The following PPP1R9A variants were observed in gnomAD, a reference collection of about 807,000 sequenced individuals.
PPP1R9A encodes the protein protein phosphatase 1 regulatory subunit 9A, also known as neurabin-1.
A neutral mutation model predicts 141.9 loss-of-function variants in PPP1R9A; 59 were observed. The ratio of observed to expected loss-of-function variants is 0.42; its 90% CI spans 0.34 to 0.52. The LOEUF is 0.52. PPP1R9A is among the 20% of genes least tolerant of loss of function. The probability of loss-of-function intolerance (pLI) is 0.10; values close to 1 mark genes in which losing one functional copy is unlikely to be tolerated. For synonymous variants in PPP1R9A, 500 were observed against 569.7 expected, an observed-to-expected ratio of 0.88 and a Z score of 1.74; for missense variants, 1,444 against 1,611.9, an observed-to-expected ratio of 0.90 and a Z score of 1.78.
intron 4 of PPP1R9A, among the ~76,000 whole-genome samples, chr7:95,147,179 C>T (rs113329864): frequency 0.28 from 42,976 of 151,828 alleles, 7,470 homozygotes; most frequent in Middle Eastern, 0.43. Flanking sequence ...CTTGAGCAGT[C>T]ATTTGTTTTT....
At chr7:95,117,914 A>G (rs1821801901) in intron 3 of PPP1R9A, among the ~76,000 whole-genome samples, 1 of 152,214 alleles carries the variant, frequency 6.6e-6, no homozygotes, top group South Asian at 2.1e-4. Flanking sequence ...TACATTGATC[A>G]TCTCTTAAAC....
intron 2 of PPP1R9A, among the ~76,000 whole-genome samples, chr7:94,974,981 T>C (rs1799267161): frequency 6.6e-6 from 1 of 152,206 alleles, no homozygotes; most frequent in South Asian, 2.1e-4. Flanking sequence ...GTATCTGATA[T>C]GTCCCTATAT....
At chr7:94,982,571 A>G (rs1406854174) in intron 2 of PPP1R9A, among the ~76,000 whole-genome samples, 1 of 152,286 alleles carries the variant, frequency 6.6e-6, no homozygotes, top group South Asian at 2.1e-4. Flanking sequence ...TTCTCTGATG[A>G]CCAGTGATGA....
intron 7 of PPP1R9A, among the ~76,000 whole-genome samples, chr7:95,223,053 A>G (rs1183939935): frequency 6.6e-6 from 1 of 152,054 alleles, no homozygotes; most frequent in Non-Finnish European, 1.5e-5. Flanking sequence ...GAGTTATAAC[A>G]TAATGTTTTA....
intron 2 of PPP1R9A, among the ~76,000 whole-genome samples, chr7:94,967,462 A>G (rs1798348375): frequency 6.6e-6 from 1 of 152,024 alleles, no homozygotes; most frequent in Non-Finnish European, 1.5e-5. Context: ...TAGTGCTATA[A>G]ATTTTTCTCT....
At chr7:94,968,564 CTT>C (rs1420630937) in intron 2 of PPP1R9A, among the ~76,000 whole-genome samples, 1 of 152,104 alleles carries the variant, frequency 6.6e-6, no homozygotes. Flanking sequence ...TCTTCCATCT[CTT>C]TATTTTGAGC....
At chr7:95,107,258 A>G (rs1201467707) in intron 2 of PPP1R9A, among the ~76,000 whole-genome samples, 3 of 152,110 alleles carry the variant, frequency 2.0e-5, no homozygotes, top group East Asian at 1.9e-4. Context: ...TATACATGCA[A>G]TTGTTTGAGT....
At chr7:94,935,811 G>C (rs1347281147) in intron 2 of PPP1R9A, among the ~76,000 whole-genome samples, 1 of 152,096 alleles carries the variant, frequency 6.6e-6, no homozygotes, top group Non-Finnish European at 1.5e-5. Context: ...GCACTAAGTG[G>C]ACCATTTTTG....
At chr7:95,015,668 GA>G (rs1805004246) in intron 2 of PPP1R9A, among the ~76,000 whole-genome samples, 1 of 152,108 alleles carries the variant, frequency 6.6e-6, no homozygotes. Context: ...TATGTTTGAA[GA>G]AATAATGGGT....
chr7:95,052,582 A>G (rs1810973060), intron 2 of PPP1R9A, among the ~76,000 whole-genome samples: 1 of 152,204 alleles, frequency 6.6e-6, no homozygotes, highest in Non-Finnish European at 1.5e-5. Flanking sequence ...TAGGCATTTT[A>G]ATTTTTGAAG....
chr7:95,240,837 T>A (rs1362041369), intron 8 of PPP1R9A, among the ~76,000 whole-genome samples: 2 of 152,174 alleles, frequency 1.3e-5, no homozygotes, highest in Non-Finnish European at 2.9e-5. Flanking sequence ...GTTTACTTAT[T>A]TGTGTGTTCA....
At chr7:94,970,129 C>G (rs1373166692) in intron 2 of PPP1R9A, among the ~76,000 whole-genome samples, 1 of 152,150 alleles carries the variant, frequency 6.6e-6, no homozygotes, top group Non-Finnish European at 1.5e-5. Flanking sequence ...GGCTCCCTGC[C>G]TTCAGCCCCC....
intron 2 of PPP1R9A, among the ~76,000 whole-genome samples, chr7:94,968,863 T>C (rs1584440200): frequency 6.6e-6 from 1 of 152,002 alleles, no homozygotes; most frequent in Non-Finnish European, 1.5e-5. Context: ...TTCTCTAATC[T>C]TGTCTTCATG....
chr7:95,267,922 G>A (rs1398976562), intron 12 of PPP1R9A, among the ~76,000 whole-genome samples: 1 of 152,168 alleles, frequency 6.6e-6, no homozygotes, highest in Non-Finnish European at 1.5e-5. Flanking sequence ...TGTGTAGCCA[G>A]ACCTTGTTTC....
At chr7:95,098,405 A>T (rs1818324677) in intron 2 of PPP1R9A, 2 of 152,170 alleles carry the variant, frequency 1.3e-5, no homozygotes, top group African/African-American at 4.8e-5. Flanking sequence ...AAATGTAAAA[A>T]AAAAAAAGAC....
chr7:95,253,615 G>A (rs988271061), intron 12 of PPP1R9A, among the ~76,000 whole-genome samples: 4 of 152,080 alleles, frequency 2.6e-5, no homozygotes, highest in Non-Finnish European at 5.9e-5. Context: ...GCTTCTCTGG[G>A]TTGATATTAC....
intron 2 of PPP1R9A, among the ~76,000 whole-genome samples, chr7:95,094,502 G>A (rs776008563): frequency 6.6e-6 from 1 of 152,154 alleles, no homozygotes; most frequent in African/African-American, 2.4e-5. Context: ...TAGATGTGGT[G>A]TATCATAAGT....
intron 12 of PPP1R9A, among the ~76,000 whole-genome samples, chr7:95,256,797 A>T (rs1799649696): frequency 6.6e-6 from 1 of 152,136 alleles, no homozygotes; most frequent in Non-Finnish European, 1.5e-5. Flanking sequence ...GAAGCATCAG[A>T]CATCAATCAT....
intron 10 of PPP1R9A, among the ~76,000 whole-genome samples, chr7:95,250,875 G>C (rs1317232447): frequency 6.6e-6 from 1 of 151,896 alleles, no homozygotes; most frequent in Non-Finnish European, 1.5e-5. Context: ...TCCATCTCTT[G>C]GATCTCGGTG....
Sources: gnomAD v4.1 joint callset for allele counts (sites outside exome capture counted in the v4.1 genomes callset) on GRCh38, gnomAD v4.1.1 for gene constraint, MANE v1.5 for transcripts, NCBI Gene and HGNC (gene_info 2026-07-23, HGNC 2026-07-21) for gene names.